The following CHN2 variants were observed in gnomAD, a reference collection of about 807,000 sequenced individuals.
CHN2 encodes beta-chimaerin.
Under a neutral mutation model 56.3 loss-of-function variants are expected in CHN2, and 35 were observed. The observed-to-expected ratio is 0.62, with a 90% CI of 0.47 to 0.82. The LOEUF (loss-of-function observed/expected upper bound fraction) is 0.82. CHN2 is among the 40% of genes least tolerant of loss of function. The pLI is 0.00. For synonymous variants in CHN2, 210 were observed against 212.8 expected, an observed-to-expected ratio of 0.99 and a Z score of 0.12; for missense variants, 491 against 580.5, an observed-to-expected ratio of 0.85 and a Z score of 1.58.
At chr7:29,227,776 C>G (rs1211057632) in intron 1 of CHN2, among the ~76,000 whole-genome samples, 1 of 152,062 alleles carries the variant, frequency 6.6e-6, no homozygotes, top group East Asian at 1.9e-4. Flanking sequence ...AGCACTTTTC[C>G]CTCCCCTCTT....
In CHN2 at chr7:29,419,627, C is replaced by T. The variant is rs188486855; in HGVS notation, c.576+18799C>T. The stretch of plus-strand genomic sequence containing the variant: ...CATAATGTATTTTTAAAAACTCCTA[C>T]AACTCAACAACAACAACAACAAAAG... On this transcript the variant is annotated intron_variant, in intron 6 of 12. Transcript: ENST00000222792. Among the ~76,000 whole-genome samples, 53 of 151,772 alleles carry T rather than the reference C, an allele frequency of 3.5e-4. No homozygotes were observed. In the East Asian group the frequency reaches 9.8e-3, roughly 28 times the overall value.
At chr7:29,402,443 C>A (rs1802296275) in intron 6 of CHN2, among the ~76,000 whole-genome samples, 1 of 152,168 alleles carries the variant, frequency 6.6e-6, no homozygotes, top group South Asian at 2.1e-4. Flanking sequence ...ACTTGAGTCC[C>A]AACTTTCAGA....
chr7:29,347,753 A>G lies in CHN2; in HGVS notation c.50-6872A>G, dbSNP rs1331135982. 2.6e-5 allele frequency among the ~76,000 whole-genome samples: 4 copies of G among 152,236 alleles called. 1 individual carries two copies. The highest frequency in any genetic ancestry group is 9.6e-5 in the African/African-American group (4 of 41,460). The stretch of plus-strand genomic sequence containing the variant: ...TCTCAATGTCCATCAATTAGAAATT[A>G]TTACATAAATGAACTAAGTATATTT... On this transcript the variant is annotated intron_variant, in intron 1 of 12. Transcript: ENST00000222792.
chr7:29,372,990 G>A (rs1188987302), intron 3 of CHN2, among the ~76,000 whole-genome samples: 1 of 152,166 alleles, frequency 6.6e-6, no homozygotes. Flanking sequence ...GAAATACAAT[G>A]GCATACTATT....
chr7:29,159,236 T>C (rs917311), intron 2 of CHN2, among the ~76,000 whole-genome samples: 6,363 of 152,222 alleles, frequency 0.042, 203 homozygotes, highest in Non-Finnish European at 0.067. Flanking sequence ...TTATTCAGCT[T>C]CTTCCACTTG....
intron 1 of CHN2, among the ~76,000 whole-genome samples, chr7:29,211,808 C>T (rs553375341): frequency 5.3e-5 from 8 of 151,634 alleles, no homozygotes; most frequent in Non-Finnish European, 8.8e-5. Flanking sequence ...TGCTACACTG[C>T]GTAGCACTAT....
chr7:29,298,243 A>G (rs1452453825), intron 1 of CHN2, among the ~76,000 whole-genome samples: 1 of 152,238 alleles, frequency 6.6e-6, no homozygotes, highest in Non-Finnish European at 1.5e-5. Context: ...GCTTGGCTTC[A>G]TCAGCAGGAA....
At chr7:29,364,745 GCTTTTT>G (rs967201903) in intron 2 of CHN2, among the ~76,000 whole-genome samples, 1 of 152,108 alleles carries the variant, frequency 6.6e-6, no homozygotes, top group Admixed American at 6.6e-5. Context: ...ATCTCTTATA[GCTTTTT>G]CTTTTTCTTT....
intron 1 of CHN2, among the ~76,000 whole-genome samples, chr7:29,295,940 G>A (rs150609246): frequency 8.1e-4 from 123 of 152,330 alleles, no homozygotes; most frequent in African/African-American, 2.8e-3. Flanking sequence ...GGTCCCAGAG[G>A]AAGGAGAGTT....
At chr7:29,166,052 G>C (rs531689908) in intron 2 of CHN2, among the ~76,000 whole-genome samples, 6 of 152,166 alleles carry the variant, frequency 3.9e-5, no homozygotes, top group Admixed American at 3.9e-4. Flanking sequence ...TTTGTTTTTA[G>C]ACAGGGTCTC....
intron 2 of CHN2, among the ~76,000 whole-genome samples, chr7:29,149,044 C>T (rs919459910): frequency 2.0e-4 from 31 of 152,150 alleles, no homozygotes; most frequent in Admixed American, 1.2e-3. Flanking sequence ...ATGGACTGTG[C>T]GACACCAGGC....
chr7:29,252,266 GCAACCTC>G (rs1788614427), intron 1 of CHN2, among the ~76,000 whole-genome samples: 1 of 140,280 alleles, frequency 7.1e-6, no homozygotes, highest in Non-Finnish European at 1.5e-5. Context: ...TCAGCTCACT[GCAACCTC>G]CACCTTCCAG....
chr7:29,503,166 A>C (rs1464304905), intron 9 of CHN2, among the ~76,000 whole-genome samples: 3 of 152,190 alleles, frequency 2.0e-5, no homozygotes, highest in Non-Finnish European at 4.4e-5. Flanking sequence ...AATTAAGGCT[A>C]AATGAGGTCC....
chr7:29,466,583 T>C (rs1175251394), intron 6 of CHN2, among the ~76,000 whole-genome samples: 1 of 152,200 alleles, frequency 6.6e-6, no homozygotes, highest in Non-Finnish European at 1.5e-5. Flanking sequence ...CTAAAATGGC[T>C]CAGTTTAAGT....
intron 6 of CHN2, among the ~76,000 whole-genome samples, chr7:29,424,373 A>G (rs1017788147): frequency 1.3e-5 from 2 of 152,130 alleles, no homozygotes; most frequent in Non-Finnish European, 2.9e-5. Flanking sequence ...TTTGGTCCCT[A>G]TTAAACCAGG....
chr7:29,185,187 T>G lies in CHN2; in HGVS notation c.274+38227T>G, dbSNP rs188593225. Among the ~76,000 whole-genome samples the G allele has an allele frequency of 3.0e-3, 458 of 152,304 alleles. 1 individual carries two copies. The highest frequency in any genetic ancestry group is 0.011 in the African/African-American group (451 of 41,564). On this transcript the variant is annotated intron_variant, in intron 2 of 6. Transcript: ENST00000439384. ...CTGAAAATCCCATTTCTAATCTTCT[T>G]TATGATTGAGAAATGATAGAGTAGA...
intron 1 of CHN2, among the ~76,000 whole-genome samples, chr7:29,195,625 A>AGAGAGAGAGAGAGAGT (rs1554358921): frequency 8.6e-6 from 1 of 116,120 alleles, no homozygotes; most frequent in African/African-American, 4.0e-5. Flanking sequence ...AGAGAGAGAG[A>AGAGAGAGAGAGAGAGT]GAGAGTGTGT....
chr7:29,152,893 CAG>C (rs1267593203), intron 2 of CHN2, among the ~76,000 whole-genome samples: 2 of 152,224 alleles, frequency 1.3e-5, no homozygotes, highest in Admixed American at 6.5e-5. Context: ...ACAAGGACCT[CAG>C]AATTCTTTGC....
chr7:29,388,795 T>A (rs762715111), intron 3 of CHN2, among the ~76,000 whole-genome samples: 1 of 152,186 alleles, frequency 6.6e-6, no homozygotes, highest in Non-Finnish European at 1.5e-5. Context: ...GATGAGACCA[T>A]TGGGCTGAAA....
Sources: gnomAD v4.1 joint callset for allele counts (sites outside exome capture counted in the v4.1 genomes callset) on GRCh38, gnomAD v4.1.1 for gene constraint, MANE v1.5 for transcripts, NCBI Gene and HGNC (gene_info 2026-07-23, HGNC 2026-07-21) for gene names.